The following CCDC178 variants were observed in gnomAD, a reference collection of about 807,000 sequenced individuals.
CCDC178 encodes coiled-coil domain-containing protein 178.
CCDC178 carries 126 observed loss-of-function variants against 117.4 expected under a neutral mutation model. The observed-to-expected ratio is 1.07, with a 90% CI of 0.93 to 1.24. The LOEUF is 1.24. Among genes scored for constraint, CCDC178 ranks in the 50% most tolerant of loss-of-function variants. The pLI is 0.00. For missense variants in CCDC178, 1,030 were observed against 986.9 expected (o/e 1.04, Z -0.59); for synonymous variants, 283 against 313.4 (o/e 0.90, Z 1.02).
intron 2 of CCDC178, among the ~76,000 whole-genome samples, chr18:33,414,767 T>C (rs938642224): frequency 9.2e-5 from 14 of 152,174 alleles, no homozygotes; most frequent in Non-Finnish European, 1.9e-4. Flanking sequence ...ACAGGCAACC[T>C]ACAGAATGGG....
At chr18:33,216,744 C>A (rs1181606608) in intron 18 of CCDC178, among the ~76,000 whole-genome samples, 1 of 151,872 alleles carries the variant, frequency 6.6e-6, no homozygotes, top group Non-Finnish European at 1.5e-5. Context: ...TGTTTCCTTC[C>A]TTTTCTGGAA....
chr18:33,212,535 G>C (rs936430998), intron 19 of CCDC178, among the ~76,000 whole-genome samples: 3 of 151,930 alleles, frequency 2.0e-5, no homozygotes, highest in Non-Finnish European at 4.4e-5. Context: ...TGAGTGCCTG[G>C]TATTGAGCTG....
At chr18:33,359,321 G>A (rs77648176) in intron 6 of CCDC178, among the ~76,000 whole-genome samples, 1,915 of 151,626 alleles carry the variant, frequency 0.013, 29 homozygotes, top group South Asian at 0.051. Context: ...AACGTTTTAA[G>A]GTAATATATC....
intron 21 of CCDC178, among the ~76,000 whole-genome samples, chr18:33,060,316 A>G (rs2056902342): frequency 6.6e-6 from 1 of 152,088 alleles, no homozygotes; most frequent in South Asian, 2.1e-4. Context: ...TCCATGTAAT[A>G]CCCTATAGAA....
intron 20 of CCDC178, among the ~76,000 whole-genome samples, chr18:33,145,609 C>A (rs2058258355): frequency 6.6e-6 from 1 of 152,168 alleles, no homozygotes; most frequent in South Asian, 2.1e-4. Context: ...ACACACATTT[C>A]TCAGCCCCAC....
At chr18:33,418,065 C>T (rs547078870) in intron 2 of CCDC178, among the ~76,000 whole-genome samples, 2 of 152,262 alleles carry the variant, frequency 1.3e-5, no homozygotes, top group South Asian at 4.1e-4. Context: ...AGGCCACTCT[C>T]CTTGATGAAC....
chr18:33,335,968 G>C (rs1222172867), intron 9 of CCDC178, among the ~76,000 whole-genome samples: 3 of 152,060 alleles, frequency 2.0e-5, no homozygotes, highest in Non-Finnish European at 4.4e-5. Context: ...TTTTAGTCTT[G>C]TAGAGCAAAT....
chr18:33,131,967 T>C (rs554892428), intron 20 of CCDC178, among the ~76,000 whole-genome samples: 1 of 150,424 alleles, frequency 6.6e-6, no homozygotes, highest in Non-Finnish European at 1.5e-5. Context: ...AAATTCAAAG[T>C]TATATTGATT....
At chr18:33,049,287 T>A (rs527817913) in intron 21 of CCDC178, among the ~76,000 whole-genome samples, 106 of 152,252 alleles carry the variant, frequency 7.0e-4, no homozygotes, top group African/African-American at 2.3e-3. Context: ...AAGATGTTAA[T>A]AAATCAGCAA....
intron 21 of CCDC178, among the ~76,000 whole-genome samples, chr18:33,066,657 A>C (rs1372656794): frequency 1.3e-5 from 2 of 152,242 alleles, no homozygotes; most frequent in East Asian, 3.8e-4. Flanking sequence ...GGGATGGAAA[A>C]AGGTATTCCA....
intron 15 of CCDC178, among the ~76,000 whole-genome samples, chr18:33,231,427 C>A (rs1015234825): frequency 6.6e-6 from 1 of 152,154 alleles, no homozygotes; most frequent in Non-Finnish European, 1.5e-5. Context: ...GGCTCAATGA[C>A]ATATACCAAC....
At chr18:33,179,698 A>C (rs1024628729) in intron 20 of CCDC178, among the ~76,000 whole-genome samples, 1 of 152,038 alleles carries the variant, frequency 6.6e-6, no homozygotes, top group African/African-American at 2.4e-5. Context: ...TATGCAAATA[A>C]CTGCATCTAG....
chr18:33,247,813 G>A (rs922399494), intron 14 of CCDC178, among the ~76,000 whole-genome samples: 12 of 151,910 alleles, frequency 7.9e-5, no homozygotes, highest in African/African-American at 2.2e-4. Context: ...CACAGTCCAC[G>A]CATTAAATGG....
intron 21 of CCDC178, among the ~76,000 whole-genome samples, chr18:33,030,522 A>AAGATAGACAGATAGATAGATACAT (rs377429836): frequency 0.02 from 2,872 of 140,868 alleles, 33 homozygotes; most frequent in Admixed American, 0.029. Context: ...GAACTGATAG[A>AAGATAGACAGATAGATAGATACAT]AGATAGATAG....
rs1298780878 is a variant in CCDC178 at position 33,293,143 on chromosome 18, A to G, written c.1176+16T>C. On this transcript the variant is annotated intron_variant, in intron 12 of 22. Transcript: ENST00000383096. ...ACAAAAATCAGTATTTTTTATTTCTAATATGAAAAACTCACCATTTTTGAT... is the reference window on the plus strand; with the variant it reads ...ACAAAAATCAGTATTTTTTATTTCTGATATGAAAAACTCACCATTTTTGAT... 1 of 1,486,940 alleles carries G rather than the reference A, an allele frequency of 6.7e-7. No homozygotes were observed. The highest frequency in any genetic ancestry group is 2.1e-5 in the Admixed American group (1 of 47,050). 92.1% of individuals were successfully genotyped at this position (1,486,940 alleles called of 1,614,324 possible).
chr18:33,291,099 T>A (rs1209786103), intron 12 of CCDC178, among the ~76,000 whole-genome samples: 1 of 152,026 alleles, frequency 6.6e-6, no homozygotes, highest in African/African-American at 2.4e-5. Context: ...TCTAAAACTA[T>A]CACATAAATA....
At chr18:33,058,188 A>G (rs931114616) in intron 21 of CCDC178, among the ~76,000 whole-genome samples, 1 of 152,234 alleles carries the variant, frequency 6.6e-6, no homozygotes, top group African/African-American at 2.4e-5. Flanking sequence ...ATACGTCTAC[A>G]CAAAGACATG....
At chr18:33,399,157 G>A (rs966042841) in intron 3 of CCDC178, among the ~76,000 whole-genome samples, 2 of 151,016 alleles carry the variant, frequency 1.3e-5, no homozygotes, top group South Asian at 4.2e-4. Flanking sequence ...CTGAGATCAC[G>A]CCACTGCACT....
At chr18:33,005,823 T>C (rs1245239185) in intron 21 of CCDC178, among the ~76,000 whole-genome samples, 1 of 151,992 alleles carries the variant, frequency 6.6e-6, no homozygotes, top group Non-Finnish European at 1.5e-5. Context: ...AAGAAAGTAA[T>C]GATCTTTTAC....
Sources: gnomAD v4.1 joint callset for allele counts (sites outside exome capture counted in the v4.1 genomes callset) on GRCh38, gnomAD v4.1.1 for gene constraint, MANE v1.5 for transcripts, NCBI Gene and HGNC (gene_info 2026-07-23, HGNC 2026-07-21) for gene names.